The following SGCZ variants were observed in gnomAD, a reference collection of about 807,000 sequenced individuals.
SGCZ encodes the protein zeta-sarcoglycan.
SGCZ carries 40 observed loss-of-function variants against 41.3 expected under a neutral mutation model. The ratio of observed to expected loss-of-function variants is 0.97; its 90% confidence interval spans 0.75 to 1.26. The LOEUF (loss-of-function observed/expected upper bound fraction) is 1.26, where lower values mean the gene tolerates loss of function less well. Among genes scored for constraint, SGCZ ranks in the 50% most tolerant of loss-of-function variants. The pLI is 0.00. For synonymous variants in SGCZ, 206 were observed against 137.5 expected (o/e 1.50, Z -3.49); for missense variants, 552 against 369.8 (o/e 1.49, Z -4.04).
At chr8:14,669,303 G>C (rs918819914) in intron 1 of SGCZ, among the ~76,000 whole-genome samples, 1 of 151,688 alleles carries the variant, frequency 6.6e-6, no homozygotes, top group Non-Finnish European at 1.5e-5. Flanking sequence ...AGATCTCAGT[G>C]AGCCAAGACA....
intron 4 of SGCZ, among the ~76,000 whole-genome samples, chr8:14,229,374 G>A (rs988590640): frequency 1.3e-5 from 2 of 151,968 alleles, no homozygotes; most frequent in African/African-American, 4.8e-5. Flanking sequence ...AAGACTGAGA[G>A]CTCTAATTTC....
chr8:14,995,034 C>G (rs1802164969), intron 1 of SGCZ, among the ~76,000 whole-genome samples: 1 of 152,222 alleles, frequency 6.6e-6, no homozygotes. Context: ...TTTCTTAGGA[C>G]CATGAGAAAT....
intron 1 of SGCZ, among the ~76,000 whole-genome samples, chr8:14,807,279 C>T (rs974637891): frequency 6.6e-6 from 1 of 151,990 alleles, no homozygotes; most frequent in Non-Finnish European, 1.5e-5. Flanking sequence ...AGGAAAAGAG[C>T]AAGTCAAATT....
intron 1 of SGCZ, among the ~76,000 whole-genome samples, chr8:14,948,176 G>C (rs1371187933): frequency 6.6e-6 from 1 of 152,054 alleles, no homozygotes; most frequent in Non-Finnish European, 1.5e-5. Context: ...AACTCATCAA[G>C]ATTTAAATTA....
At chr8:14,717,171 A>G (rs575311820) in intron 1 of SGCZ, among the ~76,000 whole-genome samples, 56 of 152,116 alleles carry the variant, frequency 3.7e-4, no homozygotes, top group African/African-American at 1.3e-3. Flanking sequence ...ATTTAGAAAA[A>G]TTTTTCTAGA....
intron 1 of SGCZ, among the ~76,000 whole-genome samples, chr8:15,067,394 T>C (rs1805193227): frequency 6.6e-6 from 1 of 152,226 alleles, no homozygotes; most frequent in Admixed American, 6.5e-5. Flanking sequence ...TTCAACCTTC[T>C]GTTTTCAGGT....
In SGCZ at chr8:15,066,935, T is replaced by A. The variant is rs1389534575; in HGVS notation, c.39+170650A>T. Among the ~76,000 whole-genome samples the A allele has an allele frequency of 4.6e-5, 7 of 152,328 alleles. 1 individual carries two copies. The South Asian group carries it at 1.4e-3, about 32-fold the overall frequency. ...ATCTCTCTCAAAAGTAATACCTTTA[T>A]ACATATCATCTGTATTCACTGAGAT... On this transcript the variant is annotated intron_variant, in intron 1 of 7. Coordinates refer to ENST00000382080, the MANE Select transcript of SGCZ (RefSeq NM_139167.4).
At chr8:14,271,388 T>C (rs1189691135) in intron 3 of SGCZ, among the ~76,000 whole-genome samples, 1 of 152,208 alleles carries the variant, frequency 6.6e-6, no homozygotes, top group Non-Finnish European at 1.5e-5. Flanking sequence ...TGAGCTTTAA[T>C]ATATAATAGT....
intron 1 of SGCZ, among the ~76,000 whole-genome samples, chr8:14,644,618 C>T (rs1807146035): frequency 6.6e-6 from 1 of 151,702 alleles, no homozygotes; most frequent in African/African-American, 2.4e-5. Flanking sequence ...GTCTGTGGCT[C>T]TTGAACTCTT....
At chr8:14,116,852 T>C (rs900013856) in intron 5 of SGCZ, among the ~76,000 whole-genome samples, 2 of 152,088 alleles carry the variant, frequency 1.3e-5, no homozygotes, top group Non-Finnish European at 2.9e-5. Context: ...TCCTTAATAA[T>C]GAAGTTTCTA....
At chr8:14,262,374 T>G (rs2117237867) in intron 3 of SGCZ, among the ~76,000 whole-genome samples, 1 of 152,268 alleles carries the variant, frequency 6.6e-6, no homozygotes, top group East Asian at 1.9e-4. Context: ...ATGTGAAGGC[T>G]TATATTATCT....
rs181467151 is a variant in SGCZ at position 14,381,574 on chromosome 8, A to C, written c.235-57370T>G. On this transcript the variant is annotated intron_variant, in intron 2 of 7. Transcript: ENST00000382080. Reference sequence around the variant, plus strand: ...CAGATCGCTTGAGCCCAGGAGTCTGAGAACAGCCTGGGCAACATGATGAAA... The same window carrying C: ...CAGATCGCTTGAGCCCAGGAGTCTGCGAACAGCCTGGGCAACATGATGAAA... 8.2e-4 allele frequency among the ~76,000 whole-genome samples: 125 copies of C among 152,034 alleles called. 1 individual carries two copies. The East Asian group carries it at 0.02, about 25-fold the overall frequency.
chr8:14,806,964 G>C (rs867224672), intron 1 of SGCZ, among the ~76,000 whole-genome samples: 4 of 151,884 alleles, frequency 2.6e-5, no homozygotes, highest in Admixed American at 6.6e-5. Flanking sequence ...CATATAAACA[G>C]AGCCAAAGAC....
intron 2 of SGCZ, among the ~76,000 whole-genome samples, chr8:14,360,418 T>C (rs951810986): frequency 1.3e-5 from 2 of 151,910 alleles, no homozygotes; most frequent in African/African-American, 2.4e-5. Flanking sequence ...CTCCGCCTCC[T>C]AGGTTCAACT....
At chr8:14,108,412 G>C (rs1357273445) in intron 5 of SGCZ, among the ~76,000 whole-genome samples, 177 bp from the exon 6 acceptor site, 2 of 152,184 alleles carry the variant, frequency 1.3e-5, no homozygotes, top group East Asian at 3.8e-4. Context: ...AGAAGAAAAA[G>C]AGGTTTAATT....
At chr8:15,054,701 T>C (rs939364819) in intron 1 of SGCZ, among the ~76,000 whole-genome samples, 1 of 151,920 alleles carries the variant, frequency 6.6e-6, no homozygotes, top group African/African-American at 2.4e-5. Flanking sequence ...ACACCTGCAA[T>C]CCCAGCACTT....
At chr8:14,975,576 G>A (rs1309485534) in intron 1 of SGCZ, among the ~76,000 whole-genome samples, 1 of 151,886 alleles carries the variant, frequency 6.6e-6, no homozygotes, top group Non-Finnish European at 1.5e-5. Context: ...ATCTTAACAC[G>A]GGATTTTCAG....
Position 14,551,551 on chromosome 8 carries a change from A to ATTATATATAATATATATT in SGCZ, c.234+3180_234+3181insAATATATATTATATATAA, listed in dbSNP as rs1803847886. ...TATATATAATATATATAATATATATAATATATATTATATATATAATATATA... is the reference window on the plus strand; with the variant it reads ...TATATATAATATATATAATATATATATTATATATAATATATATTATATATATTATATATATAATATATA... On this transcript the variant is annotated intron_variant, in intron 2 of 7. Coordinates refer to ENST00000382080, the MANE Select transcript of SGCZ (RefSeq NM_139167.4). Among the ~76,000 whole-genome samples the ATTATATATAATATATATT allele has an allele frequency of 3.0e-3, 79 of 25,938 alleles. 4 individuals carry two copies. Among genetic ancestry groups the ATTATATATAATATATATT allele is most frequent in the African/African-American group, 0.013 (76 of 5,760 alleles). 17.0% of individuals were successfully genotyped at this position (25,938 alleles called of 152,430 possible). A position where few individuals can be genotyped will look rare whatever the true frequency, so the allele number is the denominator to read the frequency against.
intron 3 of SGCZ, among the ~76,000 whole-genome samples, chr8:14,251,138 GA>G (rs1799269420): frequency 6.6e-6 from 1 of 152,128 alleles, no homozygotes. Flanking sequence ...CAAGGCAAGA[GA>G]ATTGCTTGAA....
Sources: gnomAD v4.1 joint callset for allele counts (sites outside exome capture counted in the v4.1 genomes callset) on GRCh38, gnomAD v4.1.1 for gene constraint, MANE v1.5 for transcripts, NCBI Gene and HGNC (gene_info 2026-07-23, HGNC 2026-07-21) for gene names.